The following TRAPPC12 variants were observed in gnomAD, a reference collection of about 807,000 sequenced individuals.
TRAPPC12 encodes the protein TPR repeat protein 15.
A neutral mutation model predicts 69.2 loss-of-function variants in TRAPPC12; 61 were observed. That is an observed-to-expected ratio of 0.88 (90% confidence interval 0.72 to 1.09). The LOEUF (loss-of-function observed/expected upper bound fraction) is 1.09. Among genes scored for constraint, TRAPPC12 ranks in the 50% least tolerant of loss-of-function variants. TRAPPC12 has a pLI of 0.00. For missense variants in TRAPPC12, 1,101 were observed against 1,016.4 expected, an observed-to-expected ratio of 1.08 and a Z score of -1.13; for synonymous variants, 469 against 438.9, an observed-to-expected ratio of 1.07 and a Z score of -0.86.
chr2:3,473,918 C>T (rs1319021607), intron 9 of TRAPPC12, among the ~76,000 whole-genome samples: 1 of 152,306 alleles, frequency 6.6e-6, no homozygotes, highest in Non-Finnish European at 1.5e-5. Flanking sequence ...GCTGTTCTGT[C>T]TTTGGATGGT....
At chr2:3,460,674 G>A (rs1456926552) in intron 8 of TRAPPC12, 3 of 264,754 alleles carry the variant, frequency 1.1e-5, no homozygotes, top group Non-Finnish European at 2.1e-5. Flanking sequence ...TATCTTCGTG[G>A]AGGGTGTTTT....
intron 5 of TRAPPC12, among the ~76,000 whole-genome samples, chr2:3,435,372 ATAACAT>A (rs1214608273): frequency 2.0e-5 from 3 of 152,338 alleles, no homozygotes; most frequent in Admixed American, 6.5e-5. Context: ...ATTTTTTTAA[ATAACAT>A]TAACATTTTT....
chr2:3,418,921 C>G (rs372637134), intron 3 of TRAPPC12, among the ~76,000 whole-genome samples: 16 of 152,320 alleles, frequency 1.1e-4, no homozygotes, highest in African/African-American at 3.4e-4. Context: ...CCACCCCATC[C>G]TCACCTGCTT....
At chr2:3,436,922 C>A (rs1253143707) in intron 5 of TRAPPC12, among the ~76,000 whole-genome samples, 2 of 102,288 alleles carry the variant, frequency 2.0e-5, no homozygotes, top group African/African-American at 7.5e-5. Flanking sequence ...CTGGATTAAT[C>A]CCCCCACCAC....
chr2:3,412,152 G>T (rs1375802955), intron 3 of TRAPPC12, among the ~76,000 whole-genome samples: 4 of 152,148 alleles, frequency 2.6e-5, no homozygotes, highest in Admixed American at 2.6e-4. Flanking sequence ...CTAAAGAAAT[G>T]CTTTTAGAAA....
intron 9 of TRAPPC12, chr2:3,472,623 A>G (rs1322778704): frequency 6.6e-6 from 1 of 152,214 alleles, no homozygotes; most frequent in Non-Finnish European, 1.5e-5. Flanking sequence ...TTTCACCAAA[A>G]CTAAAAACTG....
chr2:3,390,622 A>G (rs1183638361), intron 2 of TRAPPC12, among the ~76,000 whole-genome samples: 1 of 152,240 alleles, frequency 6.6e-6, no homozygotes, highest in African/African-American at 2.4e-5. Context: ...GAGGATTTTA[A>G]GGCAATGAAA....
intron 2 of TRAPPC12, among the ~76,000 whole-genome samples, chr2:3,399,949 G>A (rs1022075201): frequency 5.3e-5 from 8 of 152,192 alleles, no homozygotes; most frequent in African/African-American, 1.9e-4. Flanking sequence ...TGGCCCGCCT[G>A]CAGCATGAGC....
At chr2:3,473,791 A>G (rs1210665518) in intron 9 of TRAPPC12, among the ~76,000 whole-genome samples, 3 of 152,264 alleles carry the variant, frequency 2.0e-5, no homozygotes, top group African/African-American at 4.8e-5. Flanking sequence ...TTCTGTATCA[A>G]TTGCAGACCT....
chr2:3,452,864 TCTC>T (rs1464906618), intron 6 of TRAPPC12, among the ~76,000 whole-genome samples: 6 of 152,244 alleles, frequency 3.9e-5, no homozygotes, highest in African/African-American at 1.4e-4. Context: ...TCTGGTTGCT[TCTC>T]CTCTTATTTG....
intron 3 of TRAPPC12, among the ~76,000 whole-genome samples, chr2:3,411,846 C>T (rs1486699338): frequency 6.6e-6 from 1 of 152,232 alleles, no homozygotes; most frequent in African/African-American, 2.4e-5. Context: ...CATTGTCGTT[C>T]AGAAGGTCAT....
intron 1 of TRAPPC12, among the ~76,000 whole-genome samples, chr2:3,380,285 G>T (rs1026350088): frequency 6.6e-6 from 1 of 151,902 alleles, no homozygotes; most frequent in African/African-American, 2.4e-5. Flanking sequence ...TCACCCTCCC[G>T]CGGAAAGAGG....
chr2:3,388,102 G>A lies in TRAPPC12; in HGVS notation c.479G>A (p.Cys160Tyr), dbSNP rs1660591625. 3 of 1,560,788 alleles carry A rather than the reference G, an allele frequency of 1.9e-6. No individual in the cohort carries two copies. The highest frequency in any genetic ancestry group is 1.4e-5 in the African/African-American group (1 of 73,048). The change falls in exon 2 of 12, where the codon TGC becomes TAC. Residue 160 changes from cysteine (C) to tyrosine (Y), a missense_variant. Transcript: ENST00000324266. ...EPPVAEPVPV[C>Y]TIFSQRAPPA... ...CCCGTTGCGGAGCCGGTCCCGGTGT[G>A]CACCATCTTCAGCCAGCGCGCGCCC...
At chr2:3,451,864 A>G (rs766430577) in intron 6 of TRAPPC12, among the ~76,000 whole-genome samples, 18 of 152,112 alleles carry the variant, frequency 1.2e-4, no homozygotes, top group Non-Finnish European at 2.1e-4. Flanking sequence ...ACCCTCCAAC[A>G]TGTTTCAGTA....
At chr2:3,396,239 GTTT>G (rs59004841) in intron 2 of TRAPPC12, among the ~76,000 whole-genome samples, 9 of 147,270 alleles carry the variant, frequency 6.1e-5, no homozygotes, top group South Asian at 2.2e-4. Context: ...AGGTTGACAG[GTTT>G]TTTTTTTTTT....
chr2:3,475,353 T>G (rs1207959793), intron 9 of TRAPPC12, among the ~76,000 whole-genome samples: 3 of 151,994 alleles, frequency 2.0e-5, no homozygotes, highest in Non-Finnish European at 4.4e-5. Flanking sequence ...AATTCAGCGA[T>G]CCTCCCACCT....
intron 3 of TRAPPC12, among the ~76,000 whole-genome samples, chr2:3,403,550 C>G (rs1478889226): frequency 2.0e-5 from 3 of 152,180 alleles, no homozygotes; most frequent in African/African-American, 7.2e-5. Context: ...CTATTTTAAG[C>G]AAACTTTAGT....
intron 3 of TRAPPC12, among the ~76,000 whole-genome samples, chr2:3,419,622 C>T (rs989445910): frequency 9.4e-5 from 14 of 148,356 alleles, no homozygotes; most frequent in Admixed American, 3.4e-4. Flanking sequence ...GCACTGTGTA[C>T]GCTCTGGTGT....
chr2:3,398,987 A>G (rs1360085442), intron 2 of TRAPPC12, among the ~76,000 whole-genome samples: 1 of 152,176 alleles, frequency 6.6e-6, no homozygotes, highest in East Asian at 1.9e-4. Context: ...TCCCCTGCAC[A>G]GTAACGGCTA....
Sources: allele counts gnomAD v4.1 joint callset (sites outside exome capture counted in the v4.1 genomes callset), GRCh38; gene constraint gnomAD v4.1.1; transcripts MANE v1.5; gene names NCBI Gene and HGNC (gene_info 2026-07-23, HGNC 2026-07-21).